Variants in PHACTR2 observed in about 807,000 individuals in gnomAD.
PHACTR2 encodes phosphatase and actin regulator 2.
PHACTR2 carries 30 observed loss-of-function variants against 76.0 expected under a neutral mutation model. The ratio of observed to expected loss-of-function variants is 0.39; its 90% CI spans 0.30 to 0.54. The LOEUF (loss-of-function observed/expected upper bound fraction) is 0.54, where lower values mean the gene tolerates loss of function less well. Ranked by LOEUF, PHACTR2 falls within the 20% of genes least tolerant of loss-of-function variation. The pLI is 0.61. For synonymous variants in PHACTR2, 292 were observed against 292.5 expected, an observed-to-expected ratio of 1.00 and a Z score of 0.02; for missense variants, 696 against 781.1, an observed-to-expected ratio of 0.89 and a Z score of 1.30.
chr6:143,588,916 C>A (rs1775658601), intron 1 of PHACTR2, among the ~76,000 whole-genome samples: 1 of 152,078 alleles, frequency 6.6e-6, no homozygotes, highest in African/African-American at 2.4e-5. Flanking sequence ...TTAAAAAGAC[C>A]TATAACTATT....
At position 143,553,485 on chromosome 6, in the gene PHACTR2, G is replaced by A. The variant is rs1449142066; in HGVS notation, c.217+16278G>A. ...GTTAACTGGTGCTTATGGAAGTCAG[G>A]CTCCCACCCTCCCACAGAGGCTGGA... On this transcript the variant is annotated intron_variant, in intron 1 of 11. Coordinates refer to the PHACTR2 transcript ENST00000367584. This position sits in a 1 kb window ranked among gnomAD's most constrained non-coding sequence, Gnocchi z 4.2. Among the ~76,000 whole-genome samples, 2 of 152,182 alleles carry A rather than the reference G, an allele frequency of 1.3e-5. No individual in the cohort carries two copies. The highest frequency in any genetic ancestry group is 2.9e-5 in the Non-Finnish European group (2 of 68,046).
intron 5 of PHACTR2, among the ~76,000 whole-genome samples, chr6:143,763,706 C>T (rs1779489663): frequency 6.6e-6 from 1 of 152,198 alleles, no homozygotes; most frequent in Admixed American, 6.5e-5. Context: ...TAGTATCAGT[C>T]TAATCAGAAT....
In PHACTR2 at chr6:143,599,525, A is replaced by G. The variant is rs1775792517; in HGVS notation, c.217+62318A>G. On this transcript the variant is annotated intron_variant, in intron 1 of 11. Coordinates refer to the PHACTR2 transcript ENST00000367584. This position sits in a 1 kb window ranked among gnomAD's most constrained non-coding sequence, Gnocchi z 4.6. ...TCTACGTCTTTCATGGAAGCAATCA[A>G]TACATGTTTGATAAGAAGTAACCCA... Among the ~76,000 whole-genome samples the G allele has an allele frequency of 6.6e-6, 1 of 152,210 alleles. No individual in the cohort carries two copies.
rs150760729 is a variant in PHACTR2 at position 143,541,224 on chromosome 6, G to A, written c.217+4017G>A. On this transcript the variant is annotated intron_variant, in intron 1 of 11. Coordinates refer to the PHACTR2 transcript ENST00000367584. This position sits in a 1 kb window ranked among gnomAD's most constrained non-coding sequence, Gnocchi z 5.3. ...TTAAGTTTTAGACAGATCCTGTTCG[G>A]TATTAAGGAGCTTTGATAACTTTTT... is the stretch of plus-strand genomic sequence containing the variant. Among the ~76,000 whole-genome samples, 290 of 152,318 alleles carry A rather than the reference G, an allele frequency of 1.9e-3. No individual in the cohort carries two copies. The highest frequency in any genetic ancestry group is 6.3e-3 in the African/African-American group (261 of 41,572).
chr6:143,725,695 G>T (rs1016779508), intron 2 of PHACTR2, among the ~76,000 whole-genome samples: 1 of 151,724 alleles, frequency 6.6e-6, no homozygotes, highest in Middle Eastern at 3.4e-3. Context: ...AATTAGCTGG[G>T]CATCGCCTGT....
rs976356273 is a variant in PHACTR2 at position 143,755,756 on chromosome 6, C to T, written c.454+1844C>T. On this transcript the variant is annotated intron_variant, in intron 4 of 12. Transcript: ENST00000440869. This position sits in a 1 kb window ranked among gnomAD's most constrained non-coding sequence, Gnocchi z 5.2. ...CACACACCAAAGCCACAAGGAGAAG[C>T]GCTAGGTATAGAAGCCACTTCGTGA... Among the ~76,000 whole-genome samples the T allele has an allele frequency of 3.9e-5, 6 of 152,180 alleles. No homozygotes were observed. In the Middle Eastern group the frequency reaches 0.01, roughly 259 times the overall value.
chr6:143,656,401 A>T lies in PHACTR2; in HGVS notation c.13+48079A>T, dbSNP rs1238912666. Among the ~76,000 whole-genome samples, 2 of 152,138 alleles carry T rather than the reference A, an allele frequency of 1.3e-5. No individual in the cohort carries two copies. The highest frequency in any genetic ancestry group is 3.8e-4 in the East Asian group (2 of 5,198). The stretch of plus-strand genomic sequence containing the variant: ...TTGTCTTGGGCCACACATAAAATAC[A>T]CTAACACTAATGATAGTGGATGAGA... On this transcript the variant is annotated intron_variant, in intron 1 of 11. Transcript: ENST00000305766. This position sits in a 1 kb window ranked among gnomAD's most constrained non-coding sequence, Gnocchi z 5.3.
rs758443841 is a variant in PHACTR2, at chr6:143,641,609, C to T, written c.13+33287C>T. Among the ~76,000 whole-genome samples the T allele has an allele frequency of 3.3e-5, 5 of 152,076 alleles. No individual in the cohort carries two copies. Among genetic ancestry groups the T allele is most frequent in the African/African-American group, 7.2e-5 (3 of 41,408 alleles). On this transcript the variant is annotated intron_variant, in intron 1 of 11. Transcript: ENST00000305766. The surrounding 1 kb of genome is among the most constrained non-coding windows in gnomAD (Gnocchi z 5.8). ...ACAACCTCCGCCTCCCAGGTTCAAG[C>T]GATTCTCCTGCCTCAGCCTCCTGAG...
rs149650170 is a variant in PHACTR2, at chr6:143,742,027, C to T, written c.215-6958C>T. ...GGCTGAGGCAGGAGAATTGCCTGAA[C>T]GCGGGAGGTGGAGGTTGCAGTGAGC... On this transcript the variant is annotated intron_variant, in intron 2 of 12. Transcript: ENST00000440869. This position sits in a 1 kb window ranked among gnomAD's most constrained non-coding sequence, Gnocchi z 4.5. 5.2e-3 allele frequency among the ~76,000 whole-genome samples: 795 copies of T among 151,884 alleles called. 6 individuals are homozygous for T. The highest frequency in any genetic ancestry group is 0.017 in the African/African-American group (715 of 41,426).
intron 1 of PHACTR2, among the ~76,000 whole-genome samples, chr6:143,666,949 G>T (rs1030992720): frequency 3.9e-5 from 6 of 152,136 alleles, no homozygotes; most frequent in African/African-American, 1.4e-4. Flanking sequence ...TGAAGTCTTT[G>T]CCCATGCCTA....
chr6:143,609,276 A>T (rs1165245240), intron 1 of PHACTR2, among the ~76,000 whole-genome samples: 1 of 152,242 alleles, frequency 6.6e-6, no homozygotes, highest in East Asian at 1.9e-4. Context: ...CACAGGTAGC[A>T]TAGGCTAGCA....
intron 11 of PHACTR2, among the ~76,000 whole-genome samples, chr6:143,790,516 T>C (rs1233043995): frequency 1.3e-5 from 2 of 152,136 alleles, no homozygotes; most frequent in Non-Finnish European, 2.9e-5. Flanking sequence ...TCATTATGAA[T>C]GAGATTGAAC....
At chr6:143,629,525 G>A (rs1776323691) in intron 1 of PHACTR2, among the ~76,000 whole-genome samples, 1 of 152,142 alleles carries the variant, frequency 6.6e-6, no homozygotes, top group Non-Finnish European at 1.5e-5. Context: ...AAATGTCCTT[G>A]AGTATTGCGA....
In PHACTR2 at chr6:143,712,156, A is replaced by G; in HGVS notation, c.187A>G (p.Ser63Gly). The G allele has an allele frequency of 1.9e-6, 3 of 1,549,572 alleles. No homozygotes were observed. The highest frequency in any genetic ancestry group is 2.6e-6 in the Non-Finnish European group (3 of 1,153,090). The change falls in exon 2 of 13, where the codon AGC (serine) becomes GGC (glycine). Residue 63 changes from serine (S) to glycine (G), a missense_variant. Ser to Gly is a moderately conservative substitution (Grantham distance 56). Coordinates refer to ENST00000440869, the MANE Select transcript of PHACTR2 (RefSeq NM_001100164.2). ...TTGGAAATGGAGGAAAAAGAAGACC[A>G]GCGACAAATTTAGAGAAACCTCGGC... Reference protein sequence around the residue: ...KPWKWRKKKTSDKFRETSAVL... With the variant: ...KPWKWRKKKTGDKFRETSAVL...
intron 1 of PHACTR2, among the ~76,000 whole-genome samples, chr6:143,643,116 T>C (rs980055987): frequency 8.6e-5 from 13 of 151,198 alleles, no homozygotes; most frequent in East Asian, 3.8e-4. Context: ...TATATAATAA[T>C]GAATTGAGTA....
Position 143,678,389 on chromosome 6 carries a change from G to A in PHACTR2, c.46+180G>A, listed in dbSNP as rs1777303743. 6.6e-6 allele frequency among the ~76,000 whole-genome samples: 1 copy of A among 152,178 alleles called. No homozygotes were observed. Among genetic ancestry groups the A allele is most frequent in the Admixed American group, 6.5e-5 (1 of 15,284 alleles). Reference sequence around the variant, plus strand: ...TGTCGTGAAAGAGGAATGCCTTTTGGGATCCAGCCGATTTTACCTTAAAGG... The same window carrying A: ...TGTCGTGAAAGAGGAATGCCTTTTGAGATCCAGCCGATTTTACCTTAAAGG... On this transcript the variant is annotated intron_variant, in intron 1 of 12. Coordinates refer to ENST00000440869, the MANE Select transcript of PHACTR2 (RefSeq NM_001100164.2). This position sits in a 1 kb window ranked among gnomAD's most constrained non-coding sequence, Gnocchi z 6.2.
At position 143,580,158 on chromosome 6, in the gene PHACTR2, C is replaced by T. The variant is rs1231092796; in HGVS notation, c.217+42951C>T. Among the ~76,000 whole-genome samples, 3 of 152,166 alleles carry T rather than the reference C, an allele frequency of 2.0e-5. No homozygotes were observed. The highest frequency in any genetic ancestry group is 4.4e-5 in the Non-Finnish European group (3 of 68,030). ...GGGAGTCATGATCTTTCTATAGCTT[C>T]GTCTCAAAAGTGATATCCCATCCCT... is the stretch of plus-strand genomic sequence containing the variant. On this transcript the variant is annotated intron_variant, in intron 1 of 11. Transcript: ENST00000367584. This position sits in a 1 kb window ranked among gnomAD's most constrained non-coding sequence, Gnocchi z 4.2.
intron 1 of PHACTR2, among the ~76,000 whole-genome samples, chr6:143,699,248 C>G (rs895021787): frequency 6.6e-6 from 1 of 152,158 alleles, no homozygotes; most frequent in African/African-American, 2.4e-5. Flanking sequence ...GGTCTGACAT[C>G]CTGGCTGGTG....
Position 143,739,095 on chromosome 6 carries a change from T to C in PHACTR2, c.215-9890T>C, listed in dbSNP as rs1778883039. On this transcript the variant is annotated intron_variant, in intron 2 of 12. Transcript: ENST00000440869. The surrounding 1 kb of genome is among the most constrained non-coding windows in gnomAD (Gnocchi z 4.3). ...ATTTATTTATTTTTGAGACGGAGTCTCTCTCTGTCCCGAGGCTGGAGTGCA... is the reference window on the plus strand; with the variant it reads ...ATTTATTTATTTTTGAGACGGAGTCCCTCTCTGTCCCGAGGCTGGAGTGCA... 6.6e-6 allele frequency among the ~76,000 whole-genome samples: 1 copy of C among 152,212 alleles called. No individual in the cohort carries two copies. Among genetic ancestry groups the C allele is most frequent in the African/African-American group, 2.4e-5 (1 of 41,454 alleles).
Sources: allele counts gnomAD v4.1 joint callset (sites outside exome capture counted in the v4.1 genomes callset), GRCh38; gene constraint gnomAD v4.1.1; non-coding constraint Gnocchi (gnomAD v3.1); transcripts MANE v1.5; gene names NCBI Gene and HGNC (gene_info 2026-07-23, HGNC 2026-07-21).